PTPRA: variants seen among roughly 807,000 people sequenced by gnomAD.
PTPRA encodes the protein receptor-type tyrosine-protein phosphatase alpha.
In PTPRA, 25 loss-of-function variants were observed where a neutral mutation model predicts 104.8. The ratio of observed to expected loss-of-function variants is 0.24; its 90% confidence interval spans 0.17 to 0.33. The LOEUF (loss-of-function observed/expected upper bound fraction) is 0.33. PTPRA is among the 10% of genes least tolerant of loss of function. The pLI is 1.00. For missense variants in PTPRA, 765 were observed against 1,015.3 expected (o/e 0.75, Z 3.35); for synonymous variants, 323 against 368.9 (o/e 0.88, Z 1.43).
rs1199844565 is a variant in PTPRA at position 2,988,431 on chromosome 20, G to A, written c.695G>A (p.Arg232Gln). Residue 232 changes from arginine (R) to glutamine (Q), a missense_variant, in exon 9 of 24, where the codon CGG becomes CAG. By Grantham distance (43) the Arg-to-Gln change is conservative (BLOSUM62 1). Around this residue, in one of 4 missense-constraint regions of PTPRA, gnomAD observed 245 missense variants for 398.7 expected, o/e 0.61. Coordinates refer to ENST00000399903, the MANE Select transcript of PTPRA (RefSeq NM_001385305.1). ...GACAAGCTGGAAGAGGAAATTAACC[G>A]GAGAATGGCAGACGACAATAAGCTC... is the stretch of plus-strand genomic sequence containing the variant. ...PVDKLEEEINRRMADDNKLFR... is the reference protein window; with the variant it reads ...PVDKLEEEINQRMADDNKLFR... 5.6e-6 allele frequency: 9 copies of A among 1,612,866 alleles called. No individual in the cohort carries two copies. The highest frequency in any genetic ancestry group is 5.0e-5 in the Admixed American group (3 of 59,438).
At chr20:2,954,223 G>A (rs552981281) in intron 3 of PTPRA, among the ~76,000 whole-genome samples, 155 of 151,508 alleles carry the variant, frequency 1.0e-3, no homozygotes, top group Middle Eastern at 3.4e-3. Context: ...GATTACAGGC[G>A]CCCGCCACCA....
intron 9 of PTPRA, among the ~76,000 whole-genome samples, chr20:2,993,296 G>A (rs2063265154): frequency 6.6e-6 from 1 of 152,224 alleles, no homozygotes; most frequent in Non-Finnish European, 1.5e-5. Context: ...CTGACGTGCT[G>A]CAGGCCTTTG....
chr20:3,022,217 G>A lies in PTPRA; in HGVS notation c.1325G>A (p.Cys442Tyr). The A allele has an allele frequency of 6.2e-7, 1 of 1,614,128 alleles. No individual in the cohort carries two copies. The highest frequency in any genetic ancestry group is 8.5e-7 in the Non-Finnish European group (1 of 1,179,972). The stretch of plus-strand genomic sequence containing the variant: ...TATGCAGGGGCCATCGTGGTCCACT[G>A]CAGGTCAGTGTGGCCTGACCCTTGT... The part of the protein sequence containing the change: ...PQYAGAIVVH[C>Y]SAGVGRTGTF... The change falls in exon 15 of 24, where the codon TGC (cysteine) becomes TAC (tyrosine). Residue 442 changes from cysteine (C) to tyrosine (Y), a missense_variant. Around this residue, in one of 4 missense-constraint regions of PTPRA, gnomAD observed 245 missense variants for 398.7 expected, o/e 0.61. Coordinates refer to ENST00000399903, the MANE Select transcript of PTPRA (RefSeq NM_001385305.1). The surrounding 1 kb of genome is among the most constrained non-coding windows in gnomAD (Gnocchi z 4.6).
chr20:2,980,300 G>C (rs2062616989), intron 6 of PTPRA, among the ~76,000 whole-genome samples: 1 of 151,758 alleles, frequency 6.6e-6, no homozygotes, highest in South Asian at 2.1e-4. Flanking sequence ...GGGCACAGTG[G>C]CTCACACCTA....
At chr20:2,991,254 A>C in intron 9 of PTPRA, among the ~76,000 whole-genome samples, 1 of 151,936 alleles carries the variant, frequency 6.6e-6, no homozygotes, top group Non-Finnish European at 1.5e-5. Flanking sequence ...AGCTACTTGG[A>C]AGTCTGAGGC....
chr20:3,019,847 A>G (rs1373158355), intron 13 of PTPRA, among the ~76,000 whole-genome samples: 21 of 151,258 alleles, frequency 1.4e-4, no homozygotes, highest in African/African-American at 4.9e-4. Context: ...CGAGGCTGGC[A>G]GATCACTTGC....
chr20:2,886,482 A>G (rs892174062), intron 1 of PTPRA, among the ~76,000 whole-genome samples: 5 of 152,130 alleles, frequency 3.3e-5, no homozygotes, highest in Non-Finnish European at 7.4e-5. Flanking sequence ...GAATTCCCAT[A>G]GTAAAAAATT....
chr20:2,975,075 G>A, intron 5 of PTPRA, 140 bp from the exon 6 acceptor site: 1 of 690,186 alleles, frequency 1.4e-6, no homozygotes, highest in Non-Finnish European at 2.4e-6. Flanking sequence ...AATCTGGGCA[G>A]CCTTGTTTCC....
intron 1 of PTPRA, among the ~76,000 whole-genome samples, chr20:2,911,341 A>G (rs2059716773): frequency 6.6e-6 from 1 of 152,170 alleles, no homozygotes; most frequent in Non-Finnish European, 1.5e-5. Flanking sequence ...TCACACTGAT[A>G]CTGCATTCAC....
intron 9 of PTPRA, among the ~76,000 whole-genome samples, chr20:3,001,002 A>G (rs1349184602): frequency 6.6e-6 from 1 of 152,210 alleles, no homozygotes; most frequent in Non-Finnish European, 1.5e-5. Flanking sequence ...GTGAAAAAAA[A>G]ATTTTTTTTT....
intron 10 of PTPRA, 36 bp downstream of exon 10, chr20:3,005,182 A>G: frequency 6.6e-7 from 1 of 1,522,062 alleles, no homozygotes; most frequent in Non-Finnish European, 9.1e-7. Context: ...ATGTAACCTG[A>G]AATTACATCT....
chr20:3,026,322 C>T (rs2065144793), intron 17 of PTPRA, among the ~76,000 whole-genome samples: 1 of 152,166 alleles, frequency 6.6e-6, no homozygotes, highest in South Asian at 2.1e-4. Context: ...GAAGGAGCCT[C>T]AATCGGGAAG....
At chr20:2,989,782 C>G (rs537172367) in intron 9 of PTPRA, among the ~76,000 whole-genome samples, 2 of 152,138 alleles carry the variant, frequency 1.3e-5, no homozygotes, top group South Asian at 2.1e-4. Flanking sequence ...CTTTGGGAGG[C>G]CAAGGCGGGC....
intron 14 of PTPRA, among the ~76,000 whole-genome samples, chr20:3,021,706 G>A (rs1383827265): frequency 6.6e-6 from 1 of 152,196 alleles, no homozygotes; most frequent in East Asian, 1.9e-4. Flanking sequence ...AGTCTCCTAG[G>A]TGCTTGACTC....
chr20:3,004,762 A>G (rs1157358349), intron 9 of PTPRA, among the ~76,000 whole-genome samples: 2 of 152,242 alleles, frequency 1.3e-5, no homozygotes, highest in African/African-American at 2.4e-5. Flanking sequence ...GCCCAGTATC[A>G]TAACAACAGG....
chr20:2,904,666 C>CA (rs397865578), intron 1 of PTPRA, among the ~76,000 whole-genome samples: 20,506 of 65,596 alleles, frequency 0.31, 2,558 homozygotes, highest in East Asian at 0.4. Context: ...GACTCCGTCT[C>CA]AAAAAAAAAA....
chr20:2,993,955 AAGATAGATT>A (rs1255627292), intron 9 of PTPRA, among the ~76,000 whole-genome samples: 1 of 152,196 alleles, frequency 6.6e-6, no homozygotes, highest in Admixed American at 6.5e-5. Context: ...ACAGACAGGT[AAGATAGATT>A]AGATAGATTA....
At position 2,910,599 on chromosome 20, in the gene PTPRA, TG is replaced by T. The variant is rs1225811291; in HGVS notation, c.-128-12607del. Among the ~76,000 whole-genome samples, 128 of 123,228 alleles carry T rather than the reference TG, an allele frequency of 1.0e-3. 3 individuals are homozygous for T. Among genetic ancestry groups the T allele is most frequent in the African/African-American group, 1.2e-3 (37 of 30,268 alleles). 80.8% of individuals were successfully genotyped at this position (123,228 alleles called of 152,430 possible). ...GCTAGTTTTTTTTTTGTTTTTTTTT[TG>T]TTTTTTTTAATTTTTTTTTTTTTTT... On this transcript the variant is annotated intron_variant, in intron 1 of 23. Transcript: ENST00000399903.
intron 1 of PTPRA, among the ~76,000 whole-genome samples, chr20:2,915,913 G>T (rs1264845325): frequency 6.6e-6 from 1 of 152,208 alleles, no homozygotes; most frequent in East Asian, 1.9e-4. Context: ...GGCAGAGGTT[G>T]CAGTGAGCCG....
Sources: allele counts gnomAD v4.1 joint callset (sites outside exome capture counted in the v4.1 genomes callset), GRCh38; gene constraint gnomAD v4.1.1; regional missense constraint gnomAD v4.1.1; non-coding constraint Gnocchi (gnomAD v3.1); transcripts MANE v1.5; gene names NCBI Gene and HGNC (gene_info 2026-07-23, HGNC 2026-07-21).